The following GDPD4 variants were observed in gnomAD, a reference collection of about 807,000 sequenced individuals.
The protein encoded by GDPD4 is glycerophosphodiester phosphodiesterase 6.
A neutral mutation model predicts 67.8 loss-of-function variants in GDPD4; 60 were observed. The ratio of observed to expected loss-of-function variants is 0.88; its 90% CI spans 0.72 to 1.10. GDPD4 has a LOEUF of 1.10. Among genes scored for constraint, GDPD4 ranks in the 50% least tolerant of loss-of-function variants. GDPD4 has a pLI of 0.00. For missense variants in GDPD4, 623 were observed against 613.9 expected (o/e 1.01, Z -0.16); for synonymous variants, 212 against 210.9 (o/e 1.00, Z -0.04).
rs763642093 is a variant in GDPD4, at chr11:77,252,042, TTTTG to T, written c.864+6340_864+6343del. On this transcript the variant is annotated intron_variant, in intron 11 of 16. Coordinates refer to ENST00000315938, the MANE Select transcript of GDPD4 (RefSeq NM_182833.3). Reference sequence around the variant, plus strand: ...GCTGCAAGGGTGTCCATTTGGGTTTTTTTGTTTGTTTGTTTTTTTTTTGTTTTTT... The same window carrying T: ...GCTGCAAGGGTGTCCATTTGGGTTTTTTTGTTTGTTTTTTTTTTGTTTTTT... 8.9e-4 allele frequency among the ~76,000 whole-genome samples: 81 copies of T among 91,318 alleles called. 2 individuals are homozygous for T. Among genetic ancestry groups the T allele is most frequent in the South Asian group, 1.5e-3 (4 of 2,656 alleles). The allele number at this position is 91,318 out of a possible 152,430, so 59.9% of individuals were successfully genotyped here. A position where few individuals can be genotyped will look rare whatever the true frequency, so the allele number is the denominator to read the frequency against.
chr11:77,257,361 C>T (rs1959021345), intron 11 of GDPD4, among the ~76,000 whole-genome samples: 1 of 152,102 alleles, frequency 6.6e-6, no homozygotes, highest in Admixed American at 6.5e-5. Flanking sequence ...TGACCTTTAT[C>T]AAATGCAATT....
chr11:77,229,046 G>A (rs1474258271), intron 15 of GDPD4, 104 bp downstream of exon 15: 2 of 588,162 alleles, frequency 3.4e-6, no homozygotes, highest in Non-Finnish European at 5.9e-6. Context: ...ACGCCATCTT[G>A]CCATGTGGGA....
intron 16 of GDPD4, among the ~76,000 whole-genome samples, chr11:77,223,646 G>T (rs778810517): frequency 3.9e-5 from 6 of 152,178 alleles, no homozygotes; most frequent in Non-Finnish European, 8.8e-5. Flanking sequence ...GGATACACGG[G>T]GGTCAGGGAC....
intron 1 of GDPD4, among the ~76,000 whole-genome samples, chr11:77,290,605 A>T (rs1937739969): frequency 6.6e-6 from 1 of 152,196 alleles, no homozygotes; most frequent in Non-Finnish European, 1.5e-5. Context: ...TATGTGATAC[A>T]GCAAGAGGAA....
chr11:77,288,156 G>A (rs147292008), intron 1 of GDPD4, among the ~76,000 whole-genome samples: 1,957 of 152,100 alleles, frequency 0.013, 15 homozygotes, highest in Middle Eastern at 0.017. Context: ...CCTATAGACT[G>A]ACCCACCCAT....
At chr11:77,258,046 T>G (rs1275282377) in intron 11 of GDPD4, among the ~76,000 whole-genome samples, 1 of 152,064 alleles carries the variant, frequency 6.6e-6, no homozygotes, top group Non-Finnish European at 1.5e-5. Context: ...GCAGAAAAAA[T>G]CAAAAATATA....
intron 1 of GDPD4, among the ~76,000 whole-genome samples, chr11:77,293,458 G>T (rs1937847143): frequency 6.6e-6 from 1 of 152,026 alleles, no homozygotes; most frequent in Admixed American, 6.6e-5. Context: ...AGCTGGGTGT[G>T]GTGGCACATC....
At chr11:77,295,031 C>T (rs1353849499) in intron 1 of GDPD4, among the ~76,000 whole-genome samples, 6 of 135,406 alleles carry the variant, frequency 4.4e-5, no homozygotes, top group Non-Finnish European at 9.1e-5. Context: ...CAGTGGAAGG[C>T]GATCTCAGCT....
intron 13 of GDPD4, among the ~76,000 whole-genome samples, chr11:77,237,264 C>T (rs979538710): frequency 6.6e-6 from 1 of 152,180 alleles, no homozygotes; most frequent in Non-Finnish European, 1.5e-5. Context: ...CAATGTCTCT[C>T]CTTGCTTTGT....
chr11:77,255,600 C>T (rs10899368), intron 11 of GDPD4, among the ~76,000 whole-genome samples: 38,763 of 151,950 alleles, frequency 0.26, 6,061 homozygotes, highest in South Asian at 0.43. Context: ...GTGGCTCACA[C>T]TTGTAATCCC....
At chr11:77,297,988 G>A (rs894286159) in intron 1 of GDPD4, among the ~76,000 whole-genome samples, 1 of 152,032 alleles carries the variant, frequency 6.6e-6, no homozygotes, top group Non-Finnish European at 1.5e-5. Flanking sequence ...ATGGAGAATA[G>A]AGTGATTAAC....
intron 16 of GDPD4, among the ~76,000 whole-genome samples, chr11:77,225,492 T>C (rs1958312539): frequency 6.6e-6 from 1 of 152,108 alleles, no homozygotes; most frequent in African/African-American, 2.4e-5. Flanking sequence ...CTAATCAAGA[T>C]AGTCTCTCTC....
In GDPD4 at chr11:77,279,315, T is replaced by C; in HGVS notation, c.138A>G (p.Ser46=). The change falls in exon 4 of 17, where the codon TCA becomes TCG. Residue 46 remains serine, a synonymous_variant. Coordinates refer to ENST00000315938, the MANE Select transcript of GDPD4 (RefSeq NM_182833.3). ...GAGAAGCATTACTCACCAACAGCAA[T>C]GAAGAGTAGGCAGTCAGGATCCTAG... The part of the protein sequence containing the change: ...SLARILTAYS[S]LLLLLGFLLL... 4 of 1,602,958 alleles carry C rather than the reference T, an allele frequency of 2.5e-6. No individual in the cohort carries two copies. The highest frequency in any genetic ancestry group is 3.4e-6 in the Non-Finnish European group (4 of 1,170,020).
intron 10 of GDPD4, among the ~76,000 whole-genome samples, chr11:77,260,817 G>C (rs1210510835): frequency 6.6e-6 from 1 of 152,036 alleles, no homozygotes; most frequent in Non-Finnish European, 1.5e-5. Context: ...ATCATGCAAA[G>C]AACAATGAAT....
chr11:77,275,628 G>A (rs1959425247), intron 5 of GDPD4, among the ~76,000 whole-genome samples: 1 of 152,090 alleles, frequency 6.6e-6, no homozygotes, highest in South Asian at 2.1e-4. Flanking sequence ...GACTGTGCTC[G>A]TTTCTCCATC....
intron 2 of GDPD4, among the ~76,000 whole-genome samples, chr11:77,286,273 A>G (rs1363031166): frequency 1.3e-5 from 2 of 152,158 alleles, no homozygotes; most frequent in Non-Finnish European, 2.9e-5. Context: ...TCCCCTTGGT[A>G]TGTGCCTGTG....
rs536793408 is a variant in GDPD4, at chr11:77,291,648, T to C, written c.-253-4228A>G. Among the ~76,000 whole-genome samples, 8 of 152,338 alleles carry C rather than the reference T, an allele frequency of 5.3e-5. No homozygotes were observed. In the South Asian group the frequency reaches 1.5e-3, roughly 28 times the overall value. Reference sequence around the variant, plus strand: ...ATACAATAAATAAGTACAAACATTATGTACTGATAAAAATTTTTAGAAACT... The same window carrying C: ...ATACAATAAATAAGTACAAACATTACGTACTGATAAAAATTTTTAGAAACT... On this transcript the variant is annotated intron_variant, in intron 1 of 16. Coordinates refer to ENST00000315938, the MANE Select transcript of GDPD4 (RefSeq NM_182833.3).
intron 1 of GDPD4, among the ~76,000 whole-genome samples, chr11:77,294,391 C>T (rs1374968536): frequency 6.6e-6 from 1 of 152,138 alleles, no homozygotes; most frequent in East Asian, 1.9e-4. Flanking sequence ...GTAACAAACA[C>T]ATACTTAGGT....
intron 8 of GDPD4, 81 bp from the exon 9 acceptor site, chr11:77,269,150 C>A: frequency 7.7e-7 from 1 of 1,293,904 alleles, no homozygotes; most frequent in South Asian, 1.3e-5. Flanking sequence ...AAGCAGCAGT[C>A]TGAGTAAACC....
Sources: allele counts gnomAD v4.1 joint callset (sites outside exome capture counted in the v4.1 genomes callset), GRCh38; gene constraint gnomAD v4.1.1; transcripts MANE v1.5; gene names NCBI Gene and HGNC (gene_info 2026-07-23, HGNC 2026-07-21).